The following DPP6 variants were observed in gnomAD, a reference collection of about 807,000 sequenced individuals.
DPP6 encodes the protein A-type potassium channel modulatory protein DPP6.
In DPP6, 69 loss-of-function variants were observed where a neutral mutation model predicts 122.6. That is an observed-to-expected ratio of 0.56 (90% confidence interval 0.46 to 0.69). DPP6 has a LOEUF of 0.69. Among genes scored for constraint, DPP6 ranks in the 30% least tolerant of loss-of-function variants. The pLI is 0.00. For missense variants in DPP6, 928 were observed against 1,116.9 expected (o/e 0.83, Z 2.41); for synonymous variants, 418 against 433.1 (o/e 0.97, Z 0.43).
intron 1 of DPP6, among the ~76,000 whole-genome samples, chr7:154,136,308 A>G (rs991595551): frequency 6.6e-6 from 1 of 152,140 alleles, no homozygotes; most frequent in Non-Finnish European, 1.5e-5. Context: ...TCTTTGTGGT[A>G]TCTCCAGGGT....
At position 154,821,645 on chromosome 7, in the gene DPP6, TAC is replaced by T. The variant is rs751605723; in HGVS notation, c.1666+14537_1666+14538del. On this transcript the variant is annotated intron_variant, in intron 16 of 25. Transcript: ENST00000377770. This position sits in a 1 kb window ranked among gnomAD's most constrained non-coding sequence, Gnocchi z 4.2. ...TTTTTTCTGTATATATATATATATA[TAC>T]ACATATATATATATATACACATATA... Among the ~76,000 whole-genome samples the T allele has an allele frequency of 0.013, 1,470 of 115,120 alleles. 14 individuals carry two copies. Among genetic ancestry groups the T allele is most frequent in the South Asian group, 0.03 (118 of 3,996 alleles). The allele number at this position is 115,120 out of a possible 152,430, so 75.5% of individuals were successfully genotyped here.
intron 1 of DPP6, among the ~76,000 whole-genome samples, chr7:154,323,458 C>T (rs900473154): frequency 1.1e-4 from 17 of 152,284 alleles, no homozygotes; most frequent in African/African-American, 2.6e-4. Context: ...GGGCAAGCTC[C>T]GACCTTGATG....
At chr7:154,690,579 A>G (rs1478544953) in intron 7 of DPP6, among the ~76,000 whole-genome samples, 1 of 152,082 alleles carries the variant, frequency 6.6e-6, no homozygotes, top group East Asian at 1.9e-4. Context: ...CGAGAGAGGA[A>G]TGATCCCACC....
At chr7:154,479,714 C>T (rs186179203) in intron 3 of DPP6, among the ~76,000 whole-genome samples, 6 of 152,178 alleles carry the variant, frequency 3.9e-5, no homozygotes, top group Middle Eastern at 3.4e-3. Flanking sequence ...AACCGCATTG[C>T]ACTTCTTAAC....
At chr7:154,832,436 C>T (rs1338328925) in intron 16 of DPP6, among the ~76,000 whole-genome samples, 2 of 152,194 alleles carry the variant, frequency 1.3e-5, no homozygotes, top group Admixed American at 6.5e-5. Context: ...ACCCAACAAC[C>T]GATCATGGGG....
intron 1 of DPP6, among the ~76,000 whole-genome samples, chr7:154,214,224 C>T (rs763631719): frequency 2.0e-5 from 3 of 152,296 alleles, no homozygotes; most frequent in South Asian, 2.1e-4. Context: ...CAAAGGCTCT[C>T]GAAAATTTCA....
intron 1 of DPP6, among the ~76,000 whole-genome samples, chr7:154,337,857 G>T (rs1177727238): frequency 6.6e-6 from 1 of 152,208 alleles, no homozygotes; most frequent in Non-Finnish European, 1.5e-5. Context: ...GCTGATTTGG[G>T]TGCTCCTGAA....
At chr7:154,002,157 C>T (rs1797718177) in intron 1 of DPP6, among the ~76,000 whole-genome samples, 1 of 152,162 alleles carries the variant, frequency 6.6e-6, no homozygotes, top group African/African-American at 2.4e-5. Context: ...GAAGATGGCT[C>T]ACATGTAGCT....
chr7:153,910,244 T>TC (rs1463352005), intron 1 of DPP6, among the ~76,000 whole-genome samples: 15 of 150,566 alleles, frequency 1.0e-4, no homozygotes, highest in African/African-American at 3.7e-4. Flanking sequence ...CTTTTTTTTT[T>TC]TTTGAGATGG....
chr7:154,357,080 T>C (rs190207633), intron 1 of DPP6, among the ~76,000 whole-genome samples: 350 of 152,334 alleles, frequency 2.3e-3, no homozygotes, highest in African/African-American at 7.7e-3. Flanking sequence ...TAAGCTACTG[T>C]ATTTGATTAT....
intron 1 of DPP6, among the ~76,000 whole-genome samples, chr7:154,079,229 C>G (rs906920478): frequency 3.9e-5 from 6 of 152,220 alleles, no homozygotes; most frequent in Admixed American, 2.0e-4. Flanking sequence ...TTCCACACAA[C>G]TCCGTTTCCA....
intron 16 of DPP6, among the ~76,000 whole-genome samples, chr7:154,844,509 G>A (rs993851618): frequency 2.0e-5 from 3 of 152,228 alleles, no homozygotes; most frequent in African/African-American, 7.2e-5. Flanking sequence ...CTTATTAGGA[G>A]AAAATGTATT....
intron 1 of DPP6, among the ~76,000 whole-genome samples, chr7:154,217,409 T>G (rs1800066688): frequency 6.6e-6 from 1 of 152,178 alleles, no homozygotes; most frequent in Non-Finnish European, 1.5e-5. Context: ...AAACTCAAAT[T>G]TAAAGTATTA....
At chr7:154,034,501 G>A (rs1256606477) in intron 1 of DPP6, among the ~76,000 whole-genome samples, 2 of 152,034 alleles carry the variant, frequency 1.3e-5, no homozygotes, top group Non-Finnish European at 2.9e-5. Context: ...GCAAATCTAC[G>A]GGTCTCCCTT....
intron 1 of DPP6, among the ~76,000 whole-genome samples, chr7:154,430,992 G>C (rs1473103824): frequency 6.6e-6 from 1 of 152,208 alleles, no homozygotes; most frequent in Non-Finnish European, 1.5e-5. Context: ...GGTGGATCCT[G>C]ATGATGTCCT....
At chr7:154,245,153 A>G (rs970197601) in intron 1 of DPP6, among the ~76,000 whole-genome samples, 1 of 151,218 alleles carries the variant, frequency 6.6e-6, no homozygotes, top group African/African-American at 2.4e-5. Context: ...GGGTTTCAAC[A>G]TGTTGGCCAG....
At chr7:154,510,993 A>T (rs1826045413) in intron 3 of DPP6, among the ~76,000 whole-genome samples, 1 of 151,220 alleles carries the variant, frequency 6.6e-6, no homozygotes, top group African/African-American at 2.4e-5. Context: ...GAGCAAGGAA[A>T]AGATAGACCC....
chr7:154,345,056 C>T (rs1164412521), intron 1 of DPP6, among the ~76,000 whole-genome samples: 1 of 152,126 alleles, frequency 6.6e-6, no homozygotes, highest in East Asian at 1.9e-4. Flanking sequence ...GCTGCTATAC[C>T]AAGATACCAT....
At chr7:154,613,806 C>T (rs4960599) in intron 5 of DPP6, among the ~76,000 whole-genome samples, 61,258 of 151,676 alleles carry the variant, frequency 0.4, 13,358 homozygotes, top group East Asian at 0.64. Context: ...CTATTATTCC[C>T]AAAATTGGGC....
Sources: gnomAD v4.1 joint callset for allele counts (sites outside exome capture counted in the v4.1 genomes callset) on GRCh38, gnomAD v4.1.1 for gene constraint, Gnocchi (gnomAD v3.1) non-coding constraint, MANE v1.5 for transcripts, NCBI Gene and HGNC (gene_info 2026-07-23, HGNC 2026-07-21) for gene names.